The following DPP6 variants were observed in gnomAD, a reference collection of about 807,000 sequenced individuals.
The protein encoded by DPP6 is A-type potassium channel modulatory protein DPP6.
Under a neutral mutation model 122.6 loss-of-function variants are expected in DPP6, and 69 were observed. The observed-to-expected ratio is 0.56, with a 90% CI of 0.46 to 0.69. The LOEUF (loss-of-function observed/expected upper bound fraction) is 0.69, where lower values mean the gene tolerates loss of function less well. Ranked by LOEUF, DPP6 falls within the 30% of genes least tolerant of loss-of-function variation. DPP6 has a pLI of 0.00. For synonymous variants in DPP6, 418 were observed against 433.1 expected (o/e 0.97, Z 0.43); for missense variants, 928 against 1,116.9 (o/e 0.83, Z 2.41).
chr7:153,891,589 GT>G (rs1799206585), intron 1 of DPP6, among the ~76,000 whole-genome samples: 1 of 152,052 alleles, frequency 6.6e-6, no homozygotes, highest in Non-Finnish European at 1.5e-5. Context: ...TATTCTGCTT[GT>G]TTAACAGAGG....
intron 8 of DPP6, among the ~76,000 whole-genome samples, chr7:154,765,152 C>G (rs946674271): frequency 6.6e-6 from 1 of 152,214 alleles, no homozygotes; most frequent in African/African-American, 2.4e-5. Flanking sequence ...TAGCACAAGT[C>G]CTCCAGGTTT....
At chr7:154,730,415 C>G (rs1842280617) in intron 8 of DPP6, among the ~76,000 whole-genome samples, 1 of 152,198 alleles carries the variant, frequency 6.6e-6, no homozygotes, top group Non-Finnish European at 1.5e-5. Flanking sequence ...GCCCCAAACA[C>G]TACACTTCCT....
chr7:154,264,839 G>A (rs943245687), intron 1 of DPP6, among the ~76,000 whole-genome samples: 123 of 150,872 alleles, frequency 8.2e-4, no homozygotes, highest in Middle Eastern at 3.4e-3. Flanking sequence ...AGTGATGATG[G>A]TGTTAATGAT....
At chr7:154,194,861 G>C (rs1798786775) in intron 1 of DPP6, among the ~76,000 whole-genome samples, 1 of 152,164 alleles carries the variant, frequency 6.6e-6, no homozygotes, top group South Asian at 2.1e-4. Flanking sequence ...AATTTTGAGA[G>C]TTTCAAGAAA....
chr7:154,658,952 G>T (rs1164770017), intron 6 of DPP6, among the ~76,000 whole-genome samples: 3 of 152,200 alleles, frequency 2.0e-5, no homozygotes, highest in Non-Finnish European at 4.4e-5. Flanking sequence ...CGCTAGTCTG[G>T]GCAGAGAAGG....
At chr7:154,761,958 C>G (rs1195664438) in intron 8 of DPP6, among the ~76,000 whole-genome samples, 1 of 152,090 alleles carries the variant, frequency 6.6e-6, no homozygotes, top group African/African-American at 2.4e-5. Context: ...GGTTTTCTGT[C>G]CTTGCGATAG....
chr7:154,386,429 TG>T (rs1814120469), intron 1 of DPP6, among the ~76,000 whole-genome samples: 1 of 151,872 alleles, frequency 6.6e-6, no homozygotes, highest in South Asian at 2.1e-4. Flanking sequence ...GGAAAGGATT[TG>T]GGGGGTGTGC....
the DPP6 span, among the ~76,000 whole-genome samples, chr7:153,822,233 AG>A: frequency 8.2e-6 from 1 of 121,386 alleles, no homozygotes; most frequent in Non-Finnish European, 1.6e-5. Context: ...ACTGTCCCCC[AG>A]GCTGGAGTGC....
At chr7:154,654,002 C>A (rs1038116717) in intron 6 of DPP6, among the ~76,000 whole-genome samples, 21 of 152,044 alleles carry the variant, frequency 1.4e-4, no homozygotes, top group Middle Eastern at 6.8e-3. Context: ...ATGGTTGCAT[C>A]TGTACTGAAT....
intron 1 of DPP6, among the ~76,000 whole-genome samples, chr7:153,991,452 C>T (rs1183920914): frequency 3.3e-5 from 5 of 152,062 alleles, no homozygotes; most frequent in Non-Finnish European, 7.4e-5. Context: ...TTTTTAGTAA[C>T]TATTCTAACA....
At chr7:154,729,014 G>A (rs895806637) in intron 8 of DPP6, among the ~76,000 whole-genome samples, 1 of 152,142 alleles carries the variant, frequency 6.6e-6, no homozygotes, top group Non-Finnish European at 1.5e-5. Context: ...TCATAGTACT[G>A]TCATAACAAG....
intron 1 of DPP6, among the ~76,000 whole-genome samples, chr7:154,269,849 G>A (rs1803675319): frequency 1.3e-5 from 2 of 152,234 alleles, no homozygotes; most frequent in Middle Eastern, 3.4e-3. Flanking sequence ...AAGGAAATGT[G>A]ATGTATAAGA....
chr7:154,190,821 A>T (rs1437973260), intron 1 of DPP6, among the ~76,000 whole-genome samples: 2 of 152,216 alleles, frequency 1.3e-5, no homozygotes, highest in African/African-American at 4.8e-5. Context: ...GGTTTTTCAT[A>T]GGATGGCCCT....
chr7:153,965,942 TTGA>T (rs1163168023), intron 1 of DPP6, among the ~76,000 whole-genome samples: 4 of 151,554 alleles, frequency 2.6e-5, no homozygotes, highest in Non-Finnish European at 4.4e-5. Flanking sequence ...TGACACAAAC[TTGA>T]TGATGATGAA....
intron 16 of DPP6, among the ~76,000 whole-genome samples, chr7:154,831,358 C>CTCCCT (rs1800614685): frequency 6.6e-6 from 1 of 152,128 alleles, no homozygotes; most frequent in Non-Finnish European, 1.5e-5. Context: ...CTCCAGGGGC[C>CTCCCT]ACTGATGTAG....
chr7:154,309,729 G>C (rs953072875), intron 1 of DPP6, among the ~76,000 whole-genome samples: 36 of 152,290 alleles, frequency 2.4e-4, no homozygotes, highest in Middle Eastern at 3.4e-3. Context: ...AAAAAGAAGT[G>C]AAAAGAACAC....
the DPP6 span, among the ~76,000 whole-genome samples, chr7:153,858,832 G>A: frequency 6.6e-6 from 1 of 152,146 alleles, no homozygotes; most frequent in Non-Finnish European, 1.5e-5. Context: ...GAAAGTAATG[G>A]AGGCAGTATA....
At chr7:153,933,609 G>A (rs954071584) in intron 1 of DPP6, among the ~76,000 whole-genome samples, 1 of 152,124 alleles carries the variant, frequency 6.6e-6, no homozygotes, top group Non-Finnish European at 1.5e-5. Context: ...TTCAGATCAT[G>A]CAATGATTTC....
At chr7:154,868,426 T>C (rs945360059) in intron 18 of DPP6, among the ~76,000 whole-genome samples, 21 of 152,190 alleles carry the variant, frequency 1.4e-4, no homozygotes, top group African/African-American at 4.6e-4. Flanking sequence ...GGAAATTCCC[T>C]TTCTGTGCCA....
Sources: allele counts gnomAD v4.1 joint callset (sites outside exome capture counted in the v4.1 genomes callset), GRCh38; gene constraint gnomAD v4.1.1; transcripts MANE v1.5; gene names NCBI Gene and HGNC (gene_info 2026-07-23, HGNC 2026-07-21).